TACC2: variants seen among roughly 807,000 people sequenced by gnomAD.
TACC2 encodes the protein transforming acidic coiled-coil-containing protein 2.
A neutral mutation model predicts 227.3 loss-of-function variants in TACC2; 137 were observed. The ratio of observed to expected loss-of-function variants is 0.60; its 90% CI spans 0.52 to 0.69. The LOEUF (loss-of-function observed/expected upper bound fraction) is 0.69, where lower values mean the gene tolerates loss of function less well. Among genes scored for constraint, TACC2 ranks in the 30% least tolerant of loss-of-function variants. The pLI is 0.00. For synonymous variants in TACC2, 1,523 were observed against 1,487.5 expected, an observed-to-expected ratio of 1.02 and a Z score of -0.55; for missense variants, 3,470 against 3,694.4, an observed-to-expected ratio of 0.94 and a Z score of 1.57.
intron 21 of TACC2, 32 bp downstream of exon 21, chr10:122,249,188 G>A: frequency 1.3e-6 from 2 of 1,532,542 alleles, no homozygotes; most frequent in Non-Finnish European, 1.8e-6. Flanking sequence ...TGGCTCCCAG[G>A]GGCCTCCCAG....
intron 2 of TACC2, among the ~76,000 whole-genome samples, chr10:122,043,777 G>A (rs1267593983): frequency 1.3e-5 from 2 of 152,030 alleles, no homozygotes; most frequent in East Asian, 1.9e-4. Flanking sequence ...ATGAGGTTTC[G>A]CCATGTTGGC....
At chr10:122,140,750 T>G (rs1361201521) in intron 6 of TACC2, among the ~76,000 whole-genome samples, 2 of 152,228 alleles carry the variant, frequency 1.3e-5, no homozygotes, top group Non-Finnish European at 2.9e-5. Context: ...AGATGGGAGC[T>G]GACTGGGGTT....
At position 122,084,633 on chromosome 10, in the gene TACC2, G is replaced by A. The variant is rs917756850; in HGVS notation, c.2133G>A (p.Glu711=). ...GCAGGGAAGGATTGGGAAGAATGGAGTCTTTCCTGACTTTAGAATCAGAGA... is the reference window on the plus strand; with the variant it reads ...GCAGGGAAGGATTGGGAAGAATGGAATCTTTCCTGACTTTAGAATCAGAGA... ...LQSREGLGRM[E]SFLTLESEKS... The change falls in exon 4 of 23, where the codon GAG becomes GAA. Residue 711 remains glutamate (E), a synonymous_variant. Coordinates refer to ENST00000369005, the MANE Select transcript of TACC2 (RefSeq NM_206862.4). The A allele has an allele frequency of 6.2e-7, 1 of 1,613,844 alleles. No homozygotes were observed. The highest frequency in any genetic ancestry group is 8.5e-7 in the Non-Finnish European group (1 of 1,180,046).
At chr10:122,152,505 C>T (rs778475823) in intron 7 of TACC2, among the ~76,000 whole-genome samples, 1 of 152,226 alleles carries the variant, frequency 6.6e-6, no homozygotes, top group South Asian at 2.1e-4. Context: ...ACGATTGGCA[C>T]GGACCTTCCC....
In TACC2 at chr10:122,216,802, A is replaced by G. The variant is rs748401716; in HGVS notation, c.7520A>G (p.Glu2507Gly). 1.2e-5 allele frequency: 20 copies of G among 1,614,136 alleles called. No individual in the cohort carries two copies. The highest frequency in any genetic ancestry group is 1.2e-5 in the Non-Finnish European group (14 of 1,180,022). The change falls in exon 11 of 23, where the codon GAG becomes GGG. Residue 2507 changes from glutamate (E) to glycine (G), a missense_variant. Physicochemically the swap from Glu to Gly is moderately conservative, Grantham distance 98. Transcript: ENST00000369005. ...TCGGACCTGTCCACCTTTGTAAACG[A>G]GACCAAATTCAGTTCACCCACTGAG... ...QPSDLSTFVN[E>G]TKFSSPTEEL...
chr10:122,237,941 C>A lies in TACC2; in HGVS notation c.8272-20C>A. 1 of 1,596,436 alleles carries A rather than the reference C, an allele frequency of 6.3e-7. No homozygotes were observed. The highest frequency in any genetic ancestry group is 8.6e-7 in the Non-Finnish European group (1 of 1,166,658). Reference sequence around the variant, plus strand: ...TCACTCATTTGGGGCTAACCTTTCTCTTCTTCTCTCTGAAACTAGATCATA... The same window carrying A: ...TCACTCATTTGGGGCTAACCTTTCTATTCTTCTCTCTGAAACTAGATCATA... On this transcript the variant is annotated intron_variant, in intron 17 of 22. Coordinates refer to ENST00000369005, the MANE Select transcript of TACC2 (RefSeq NM_206862.4).
At chr10:121,991,165 T>C (rs1288587572) in intron 1 of TACC2, among the ~76,000 whole-genome samples, 1 of 152,250 alleles carries the variant, frequency 6.6e-6, no homozygotes, top group African/African-American at 2.4e-5. Context: ...ATTTGTGTGT[T>C]CTGTCTTCTT....
At chr10:122,017,955 CTTTTT>C (rs199883119) in intron 1 of TACC2, among the ~76,000 whole-genome samples, 1 of 129,938 alleles carries the variant, frequency 7.7e-6, no homozygotes, top group Non-Finnish European at 1.6e-5. Context: ...TAGTGGAATT[CTTTTT>C]TTTTTTTTAA....
At chr10:122,174,598 GT>G (rs1344812835) in intron 7 of TACC2, among the ~76,000 whole-genome samples, 1 of 151,650 alleles carries the variant, frequency 6.6e-6, no homozygotes, top group Admixed American at 6.6e-5. Flanking sequence ...CTATGCTCCT[GT>G]TTTTTTTTAA....
intron 6 of TACC2, among the ~76,000 whole-genome samples, chr10:122,135,088 G>A (rs1012483493): frequency 6.6e-6 from 1 of 152,202 alleles, no homozygotes; most frequent in Non-Finnish European, 1.5e-5. Flanking sequence ...CCATCTCACA[G>A]TTGAGCAGAC....
intron 1 of TACC2, among the ~76,000 whole-genome samples, chr10:122,021,637 CG>C (rs1310757714): frequency 1.3e-5 from 2 of 152,118 alleles, no homozygotes; most frequent in Non-Finnish European, 2.9e-5. Context: ...TTTGTCACTC[CG>C]TTTGTATATA....
intron 7 of TACC2, among the ~76,000 whole-genome samples, chr10:122,164,560 G>GA (rs1475750441): frequency 2.0e-5 from 3 of 152,240 alleles, no homozygotes; most frequent in Non-Finnish European, 4.4e-5. Flanking sequence ...GGCAGTGCTT[G>GA]ACTGTGCATC....
At chr10:122,233,179 C>T (rs2095792048) in intron 16 of TACC2, among the ~76,000 whole-genome samples, 1 of 152,186 alleles carries the variant, frequency 6.6e-6, no homozygotes, top group African/African-American at 2.4e-5. Flanking sequence ...CCATTACTTT[C>T]CTTCCACATC....
intron 7 of TACC2, among the ~76,000 whole-genome samples, chr10:122,164,329 GCCT>G (rs989012283): frequency 2.1e-4 from 32 of 152,296 alleles, no homozygotes; most frequent in Admixed American, 1.6e-3. Context: ...ATCAGCGACT[GCCT>G]CCTCCTAGGA....
chr10:122,237,333 A>G, intron 16 of TACC2, 62 bp from the exon 17 acceptor site: 10 of 1,502,082 alleles, frequency 6.7e-6, no homozygotes, highest in Non-Finnish European at 8.1e-6. Flanking sequence ...GGGTGAGTGT[A>G]ATCCTCTTTG....
chr10:122,023,529 G>A (rs1957586201), intron 2 of TACC2: 1 of 152,038 alleles, frequency 6.6e-6, no homozygotes, highest in Admixed American at 6.6e-5. Context: ...ATCATTCTGA[G>A]CAACCTATCG....
intron 6 of TACC2, among the ~76,000 whole-genome samples, chr10:122,137,718 GCTGCCCT>G (rs1308559455): frequency 6.6e-6 from 1 of 152,180 alleles, no homozygotes; most frequent in Non-Finnish European, 1.5e-5. Flanking sequence ...ACCCAGATAT[GCTGCCCT>G]CTTCCCAGAG....
At position 122,050,895 on chromosome 10, in the gene TACC2, TC is replaced by T; in HGVS notation, c.146+346del. On this transcript the variant is annotated intron_variant, in intron 3 of 22. Transcript: ENST00000369005. The surrounding 1 kb of genome is among the most constrained non-coding windows in gnomAD (Gnocchi z 4.6). ...GTGTCTAATCCGTGGCTAAGTGGAG[TC>T]TGTAACTCAGTGTGGTGGCCATTGC... 4.5e-6 allele frequency: 1 copy of T among 221,574 alleles called. No individual in the cohort carries two copies. The highest frequency in any genetic ancestry group is 8.7e-5 in the South Asian group (1 of 11,468). The allele number at this position is 221,574 out of a possible 1,614,324, so 13.7% of individuals were successfully genotyped here.
At chr10:122,188,198 C>A (rs2094280364) in intron 7 of TACC2, among the ~76,000 whole-genome samples, 1 of 152,154 alleles carries the variant, frequency 6.6e-6, no homozygotes, top group Non-Finnish European at 1.5e-5. Flanking sequence ...GACTGAAGTG[C>A]CCTCATTTCT....
Sources: allele counts gnomAD v4.1 joint callset (sites outside exome capture counted in the v4.1 genomes callset), GRCh38; gene constraint gnomAD v4.1.1; non-coding constraint Gnocchi (gnomAD v3.1); transcripts MANE v1.5; gene names NCBI Gene and HGNC (gene_info 2026-07-23, HGNC 2026-07-21).